Variants in ASCC3 observed in about 807,000 individuals in gnomAD.
ASCC3 encodes the protein activating signal cointegrator 1 complex subunit 3.
Under a neutral mutation model 256.3 loss-of-function variants are expected in ASCC3, and 158 were observed. That is an observed-to-expected ratio of 0.62 (90% CI 0.54 to 0.70). The LOEUF (loss-of-function observed/expected upper bound fraction) is 0.70. Ranked by LOEUF, ASCC3 falls within the 30% of genes least tolerant of loss-of-function variation. The probability of loss-of-function intolerance (pLI) is 0.00; values close to 1 mark genes in which losing one functional copy is unlikely to be tolerated. For missense variants in ASCC3, 2,259 were observed against 2,626.0 expected (o/e 0.86, Z 3.05); for synonymous variants, 948 against 883.4 (o/e 1.07, Z -1.30).
intron 17 of ASCC3, among the ~76,000 whole-genome samples, chr6:100,655,057 T>C (rs568716052): frequency 6.6e-6 from 1 of 152,084 alleles, no homozygotes; most frequent in East Asian, 1.9e-4. Context: ...AGACAACAAC[T>C]GGATTTTATC....
chr6:100,679,871 T>C, intron 13 of ASCC3, 119 bp from the exon 14 acceptor site: 2 of 1,152,852 alleles, frequency 1.7e-6, no homozygotes. Flanking sequence ...ATCACAAATT[T>C]ACGAATTCTC....
At chr6:100,591,454 T>C (rs1411876308) in intron 34 of ASCC3, among the ~76,000 whole-genome samples, 2 of 152,112 alleles carry the variant, frequency 1.3e-5, no homozygotes, top group African/African-American at 4.8e-5. Flanking sequence ...GTGCTTACTT[T>C]GTATTTCACA....
intron 41 of ASCC3, among the ~76,000 whole-genome samples, 192 bp downstream of exon 41, chr6:100,509,740 T>C (rs1773662237): frequency 6.6e-6 from 1 of 151,972 alleles, no homozygotes; most frequent in African/African-American, 2.4e-5. Flanking sequence ...TACAAAAAAT[T>C]AGCCGGGCGC....
At chr6:100,866,162 G>T (rs942500888) in intron 2 of ASCC3, among the ~76,000 whole-genome samples, 2 of 151,922 alleles carry the variant, frequency 1.3e-5, no homozygotes, top group African/African-American at 4.8e-5. Context: ...TAGAGATGGG[G>T]TTTCACCATG....
rs185183895 is a variant in ASCC3 at position 100,568,447 on chromosome 6, G to A, written c.5550+21187C>T. 1.5e-3 allele frequency among the ~76,000 whole-genome samples: 227 copies of A among 150,622 alleles called. 3 individuals carry two copies. The highest frequency in any genetic ancestry group is 5.3e-3 in the African/African-American group (217 of 41,204). Reference sequence around the variant, plus strand: ...TTGACTTGCATTTCTCTGATGATTAGCGATGTGGAGCATTTTTTCATGTTT... The same window carrying A: ...TTGACTTGCATTTCTCTGATGATTAACGATGTGGAGCATTTTTTCATGTTT... On this transcript the variant is annotated intron_variant, in intron 36 of 41. Coordinates refer to ENST00000369162, the MANE Select transcript of ASCC3 (RefSeq NM_006828.4).
chr6:100,639,992 G>C (rs1485983189), intron 24 of ASCC3, among the ~76,000 whole-genome samples: 3 of 152,100 alleles, frequency 2.0e-5, no homozygotes, highest in Non-Finnish European at 4.4e-5. Context: ...GTGGGCGCCT[G>C]TAATCCCAGC....
At chr6:100,851,935 G>A (rs1562344328) in intron 3 of ASCC3, among the ~76,000 whole-genome samples, 1 of 152,136 alleles carries the variant, frequency 6.6e-6, no homozygotes. Flanking sequence ...TCTTCCCTAA[G>A]GGGCAACCAC....
At chr6:100,874,352 G>A (rs932538251) in intron 1 of ASCC3, among the ~76,000 whole-genome samples, 3 of 149,988 alleles carry the variant, frequency 2.0e-5, no homozygotes, top group East Asian at 2.0e-4. Flanking sequence ...TGTAGTCCCA[G>A]CTACTAAGGA....
At chr6:100,692,945 G>C (rs1422580923) in intron 13 of ASCC3, among the ~76,000 whole-genome samples, 4 of 151,870 alleles carry the variant, frequency 2.6e-5, no homozygotes, top group Non-Finnish European at 5.9e-5. Flanking sequence ...CTGATCAGAA[G>C]ATGTTAAAAA....
intron 36 of ASCC3, among the ~76,000 whole-genome samples, chr6:100,587,487 C>G (rs1016899774): frequency 6.6e-6 from 1 of 152,124 alleles, no homozygotes; most frequent in African/African-American, 2.4e-5. Context: ...TACGTATCTC[C>G]TTGTCAATGT....
chr6:100,557,727 G>T (rs1582444218), intron 36 of ASCC3, among the ~76,000 whole-genome samples: 1 of 151,560 alleles, frequency 6.6e-6, no homozygotes, highest in African/African-American at 2.4e-5. Context: ...GTGGGTGGGG[G>T]GTAAGGATTG....
At chr6:100,692,884 T>C (rs2114986897) in intron 13 of ASCC3, among the ~76,000 whole-genome samples, 1 of 152,194 alleles carries the variant, frequency 6.6e-6, no homozygotes, top group Admixed American at 6.5e-5. Flanking sequence ...TGATGATCTA[T>C]TAAATACCAT....
chr6:100,791,192 AATT>A (rs1253994082), intron 8 of ASCC3, among the ~76,000 whole-genome samples: 1 of 151,914 alleles, frequency 6.6e-6, no homozygotes, highest in Non-Finnish European at 1.5e-5. Context: ...AGAAAATAAT[AATT>A]ATTAAAAGCA....
At chr6:100,613,673 T>A (rs1773521589) in intron 30 of ASCC3, among the ~76,000 whole-genome samples, 1 of 152,176 alleles carries the variant, frequency 6.6e-6, no homozygotes, top group Non-Finnish European at 1.5e-5. Flanking sequence ...TACTGATTTC[T>A]TTTTCTTCGG....
At chr6:100,655,869 C>T in intron 16 of ASCC3, 51 bp from the exon 17 acceptor site, 1 of 1,594,720 alleles carries the variant, frequency 6.3e-7, no homozygotes, top group Non-Finnish European at 8.6e-7. Context: ...TGAACATAAA[C>T]ATTACATCAA....
chr6:100,612,771 A>C (rs1445532675), intron 30 of ASCC3, among the ~76,000 whole-genome samples: 1 of 152,014 alleles, frequency 6.6e-6, no homozygotes, highest in Non-Finnish European at 1.5e-5. Context: ...GAAATAAATG[A>C]ATTAAAAAGA....
chr6:100,873,451 T>C (rs1258284525), intron 1 of ASCC3, among the ~76,000 whole-genome samples: 1 of 152,086 alleles, frequency 6.6e-6, no homozygotes, highest in Admixed American at 6.5e-5. Flanking sequence ...GGAAAACATA[T>C]TTGGGGGAAT....
intron 13 of ASCC3, among the ~76,000 whole-genome samples, chr6:100,693,230 T>C (rs1032534624): frequency 9.2e-5 from 14 of 152,126 alleles, no homozygotes; most frequent in African/African-American, 2.9e-4. Context: ...TACAGGTATT[T>C]ATATAAAAGC....
intron 3 of ASCC3, chr6:100,856,520 C>A (rs1772949967): frequency 1.4e-6 from 1 of 697,422 alleles, no homozygotes; most frequent in African/African-American, 1.9e-5. Context: ...ATACAGTACA[C>A]ATACAGTTCA....
Sources: gnomAD v4.1 joint callset for allele counts (sites outside exome capture counted in the v4.1 genomes callset) on GRCh38, gnomAD v4.1.1 for gene constraint, MANE v1.5 for transcripts, NCBI Gene and HGNC (gene_info 2026-07-23, HGNC 2026-07-21) for gene names.